The following APP variants were observed in gnomAD, a reference collection of about 807,000 sequenced individuals.
APP encodes the protein amyloid-beta precursor protein.
In APP, 31 loss-of-function variants were observed where a neutral mutation model predicts 101.4. The ratio of observed to expected loss-of-function variants is 0.31; its 90% CI spans 0.23 to 0.41. The LOEUF is 0.41. Ranked by LOEUF, APP falls within the 10% of genes least tolerant of loss-of-function variation. The probability of loss-of-function intolerance (pLI) is 1.00; values close to 1 mark genes in which losing one functional copy is unlikely to be tolerated. For synonymous variants in APP, 366 were observed against 364.4 expected, an observed-to-expected ratio of 1.00 and a Z score of -0.05; for missense variants, 839 against 1,003.7, an observed-to-expected ratio of 0.84 and a Z score of 2.22.
chr21:25,971,876 A>C (rs2096488), intron 11 of APP, among the ~76,000 whole-genome samples: 26,482 of 152,182 alleles, frequency 0.17, 3,106 homozygotes, highest in East Asian at 0.36. Context: ...AAAAATGCAA[A>C]GCTCAAAAGG....
chr21:26,131,273 A>G (rs1433130012), intron 1 of APP, among the ~76,000 whole-genome samples: 1 of 152,132 alleles, frequency 6.6e-6, no homozygotes, highest in Non-Finnish European at 1.5e-5. Context: ...ATTAATTTAA[A>G]AAAAAAGGTC....
intron 1 of APP, among the ~76,000 whole-genome samples, chr21:26,155,210 T>C (rs2063350522): frequency 1.3e-5 from 2 of 152,142 alleles, no homozygotes; most frequent in South Asian, 4.1e-4. Flanking sequence ...AAGATTGCAA[T>C]GAGCAAGCTA....
intron 13 of APP, among the ~76,000 whole-genome samples, chr21:25,930,098 G>A (rs1182673760): frequency 6.6e-6 from 1 of 152,202 alleles, no homozygotes; most frequent in Non-Finnish European, 1.5e-5. Context: ...CAGGACAAGG[G>A]AGGGAGGAGA....
At chr21:26,061,267 T>C (rs2046255801) in intron 3 of APP, among the ~76,000 whole-genome samples, 1 of 151,744 alleles carries the variant, frequency 6.6e-6, no homozygotes, top group Admixed American at 6.6e-5. Flanking sequence ...AAGACTTTCC[T>C]AATTTTTCTG....
chr21:25,940,255 ATAT>A (rs1296077212), intron 13 of APP, among the ~76,000 whole-genome samples: 2 of 152,178 alleles, frequency 1.3e-5, no homozygotes, highest in Admixed American at 1.3e-4. Flanking sequence ...GCTTATAAAA[ATAT>A]TAGTAGTAGT....
intron 13 of APP, among the ~76,000 whole-genome samples, chr21:25,949,432 T>G (rs2040967242): frequency 6.6e-6 from 1 of 152,244 alleles, no homozygotes; most frequent in Admixed American, 6.5e-5. Flanking sequence ...GCTTGATCAA[T>G]CACAGCTTTA....
intron 6 of APP, among the ~76,000 whole-genome samples, chr21:26,020,370 A>G (rs1035201579): frequency 1.2e-4 from 18 of 152,222 alleles, no homozygotes; most frequent in African/African-American, 3.9e-4. Context: ...ATAGTTGCAC[A>G]GCTTGGCAAA....
intron 13 of APP, among the ~76,000 whole-genome samples, chr21:25,938,439 GA>G (rs2040441655): frequency 6.6e-6 from 1 of 151,128 alleles, no homozygotes; most frequent in African/African-American, 2.4e-5. Flanking sequence ...TTTTTTCAAT[GA>G]AAATGACAAT....
At chr21:25,920,905 C>T (rs1266857170) in intron 13 of APP, among the ~76,000 whole-genome samples, 1 of 135,928 alleles carries the variant, frequency 7.4e-6, no homozygotes, top group Non-Finnish European at 1.6e-5. Flanking sequence ...AACTCTCCAC[C>T]CCAAATCAAC....
At chr21:25,889,870 C>T (rs1039555300) in intron 17 of APP, among the ~76,000 whole-genome samples, 1 of 151,622 alleles carries the variant, frequency 6.6e-6, no homozygotes, top group African/African-American at 2.4e-5. Flanking sequence ...ACAACAACAA[C>T]AAAAGAAAAC....
At chr21:26,093,990 T>G (rs2061885662) in intron 2 of APP, among the ~76,000 whole-genome samples, 1 of 151,884 alleles carries the variant, frequency 6.6e-6, no homozygotes. Context: ...GGCACACGCC[T>G]GTTAAGTCCC....
At chr21:26,019,679 TG>T (rs11295671) in intron 6 of APP, among the ~76,000 whole-genome samples, 152,344 of 152,344 alleles carry the variant, frequency 1, 76,172 homozygotes, top group Non-Finnish European at 1. Flanking sequence ...GACACTAAAC[TG>T]GTTCTATTAA....
chr21:26,094,237 T>C (rs2061892473), intron 2 of APP, among the ~76,000 whole-genome samples: 2 of 152,058 alleles, frequency 1.3e-5, no homozygotes, highest in African/African-American at 4.8e-5. Context: ...AGATAAGGGA[T>C]TATTAATTTA....
At position 26,043,593 on chromosome 21, in the gene APP, T is replaced by C. The variant is rs140985399; in HGVS notation, c.662+7407A>G. Among the ~76,000 whole-genome samples the C allele has an allele frequency of 3.8e-3, 572 of 152,342 alleles. 4 individuals carry two copies. The highest frequency in any genetic ancestry group is 0.013 in the African/African-American group (544 of 41,574). On this transcript the variant is annotated intron_variant, in intron 5 of 17. Coordinates refer to ENST00000346798, the MANE Select transcript of APP (RefSeq NM_000484.4). ...CACTATTAACCTTAAGTTAACATGATGACGTAGGTGTATGTGTTTGATGTG... is the reference window on the plus strand; with the variant it reads ...CACTATTAACCTTAAGTTAACATGACGACGTAGGTGTATGTGTTTGATGTG...
At chr21:26,002,234 A>G (rs985360433) in intron 6 of APP, among the ~76,000 whole-genome samples, 1 of 152,160 alleles carries the variant, frequency 6.6e-6, no homozygotes, top group African/African-American at 2.4e-5. Flanking sequence ...AGTGTTTGAC[A>G]CCTTCTGGGC....
At chr21:25,882,703 T>C (rs1397507445) in intron 17 of APP, among the ~76,000 whole-genome samples, 5 of 152,110 alleles carry the variant, frequency 3.3e-5, no homozygotes. Context: ...TGAATGAGTA[T>C]GTTAAAATTC....
At chr21:25,904,356 AAAG>A (rs1184948584) in intron 15 of APP, among the ~76,000 whole-genome samples, 2 of 152,236 alleles carry the variant, frequency 1.3e-5, no homozygotes, top group East Asian at 1.9e-4. Context: ...AACTGTAAAA[AAAG>A]AAGTGTCTAT....
chr21:26,107,760 T>C (rs1387061122), intron 2 of APP, among the ~76,000 whole-genome samples: 1 of 152,206 alleles, frequency 6.6e-6, no homozygotes, highest in Non-Finnish European at 1.5e-5. Context: ...CTGATGGTAT[T>C]AGTGTCACTG....
At chr21:26,023,316 G>A (rs1326205257) in intron 5 of APP, among the ~76,000 whole-genome samples, 3 of 151,218 alleles carry the variant, frequency 2.0e-5, no homozygotes, top group Non-Finnish European at 2.9e-5. Flanking sequence ...AAAACCTAGA[G>A]GCCAGGAGTT....
Sources: gnomAD v4.1 joint callset for allele counts (sites outside exome capture counted in the v4.1 genomes callset) on GRCh38, gnomAD v4.1.1 for gene constraint, MANE v1.5 for transcripts, NCBI Gene and HGNC (gene_info 2026-07-23, HGNC 2026-07-21) for gene names.